WDR36: variants seen among roughly 807,000 people sequenced by gnomAD.
WDR36 encodes WD repeat domain 36.
WDR36 carries 63 observed loss-of-function variants against 112.7 expected under a neutral mutation model. The ratio of observed to expected loss-of-function variants is 0.56; its 90% CI spans 0.46 to 0.69. WDR36 has a LOEUF of 0.69. Ranked by LOEUF, WDR36 falls within the 30% of genes least tolerant of loss-of-function variation. The pLI, the probability that WDR36 is intolerant of heterozygous loss-of-function variation, is 0.00. For missense variants in WDR36, 1,226 were observed against 1,070.3 expected (o/e 1.15, Z -2.03); for synonymous variants, 410 against 362.2 (o/e 1.13, Z -1.50).
Position 111,110,834 on chromosome 5 carries a change from G to T in WDR36, c.1488G>T (p.Gln496His). 6.2e-7 allele frequency: 1 copy of T among 1,611,530 alleles called. No homozygotes were observed. The highest frequency in any genetic ancestry group is 8.5e-7 in the Non-Finnish European group (1 of 1,178,378). The change falls in exon 14 of 23, where the codon CAG becomes CAT. Residue 496 changes from glutamine (Q) to histidine (H), a missense_variant. Transcript: ENST00000513710. ...GTGTCGCAGTGGATGGATTAAACCA[G>T]TTGACAGTTACAACTGGTAGTGAAG... ...VRGVAVDGLNQLTVTTGSEGL... is the reference protein window; with the variant it reads ...VRGVAVDGLNHLTVTTGSEGL...
At position 111,121,096 on chromosome 5, in the gene WDR36, TC is replaced by T; in HGVS notation, c.2105del (p.Pro702LeufsTer59). ...AGCAATTGGTGACTCTTTCACTTCT[TC>T]CTGAATCACGATGGAAAAACCTTCT... ...NEQLVTLSLL[P>X]ESRWKNLLNL... On this transcript the variant is annotated frameshift_variant, in exon 19 of 23. Coordinates refer to ENST00000513710, the MANE Select transcript of WDR36 (RefSeq NM_139281.3). LOFTEE classifies it high-confidence loss of function. The T allele has an allele frequency of 3.1e-6, 5 of 1,613,668 alleles. No individual in the cohort carries two copies. The highest frequency in any genetic ancestry group is 3.4e-6 in the Non-Finnish European group (4 of 1,179,682).
rs1752890459 is a variant in WDR36, at chr5:111,092,634, T to G, written c.162+16T>G. ...CACCTATGACGTGAGTGACTTCTTT[T>G]GTTAGCTTCCCAGGAAAACCACCCT... On this transcript the variant is annotated intron_variant, in intron 1 of 22. Coordinates refer to ENST00000513710, the MANE Select transcript of WDR36 (RefSeq NM_139281.3). The G allele has an allele frequency of 1.2e-6, 2 of 1,608,778 alleles. No individual in the cohort carries two copies. Among genetic ancestry groups the G allele is most frequent in the South Asian group, 1.1e-5 (1 of 90,676 alleles).
intron 1 of WDR36, among the ~76,000 whole-genome samples, chr5:111,094,690 A>G (rs968811675): frequency 6.6e-6 from 1 of 152,162 alleles, no homozygotes; most frequent in Non-Finnish European, 1.5e-5. Flanking sequence ...AATATTTAAT[A>G]TTTGGCCCAT....
At position 111,092,436 on chromosome 5, in the gene WDR36, G is replaced by T; in HGVS notation, c.-21G>T. On this transcript the variant is annotated 5_prime_UTR_variant, in exon 1 of 23. It adds an upstream start codon to the 5' untranslated region. Coordinates refer to ENST00000513710, the MANE Select transcript of WDR36 (RefSeq NM_139281.3). ...TTTTCCTTCAGGACCAGAGCTGAGA[G>T]GAGCTGGGATCGCGGCGGCAATGGA... is the stretch of plus-strand genomic sequence containing the variant. The T allele has an allele frequency of 6.2e-7, 1 of 1,614,248 alleles. No individual in the cohort carries two copies. The highest frequency in any genetic ancestry group is 8.5e-7 in the Non-Finnish European group (1 of 1,180,044).
intron 16 of WDR36, 138 bp from the exon 17 acceptor site, chr5:111,118,875 T>C (rs1315412286): frequency 3.0e-6 from 2 of 663,514 alleles, no homozygotes; most frequent in Non-Finnish European, 5.4e-6. Flanking sequence ...GGTGACTTTC[T>C]GATCAATGCT....
At chr5:111,120,663 C>T in intron 18 of WDR36, 70 bp downstream of exon 18, 2 of 1,291,714 alleles carry the variant, frequency 1.5e-6, no homozygotes. Flanking sequence ...ATATTGCTAC[C>T]AAAGGCAAAG....
Position 111,113,109 on chromosome 5 carries a change from T to C in WDR36, c.1752T>C (p.Ala584=), listed in dbSNP as rs745340234. 3 of 1,578,786 alleles carry C rather than the reference T, an allele frequency of 1.9e-6. No homozygotes were observed. In the South Asian group the frequency reaches 3.4e-5, roughly 18 times the overall value. ...FSPDGRWLIS[A]AMDCSIRTWD... Reference sequence around the variant, plus strand: ...CTGATGGTCGTTGGTTAATAAGTGCTGCGATGGATTGCTCTATTAGGACTT... The same window carrying C: ...CTGATGGTCGTTGGTTAATAAGTGCCGCGATGGATTGCTCTATTAGGACTT... The change falls in exon 16 of 23, where the codon GCT becomes GCC. Residue 584 remains alanine (A), a synonymous_variant. Transcript: ENST00000513710.
Position 111,105,767 on chromosome 5 carries a change from T to A in WDR36, c.1094-290T>A, listed in dbSNP as rs113930608. On this transcript the variant is annotated intron_variant, in intron 10 of 22. Coordinates refer to ENST00000513710, the MANE Select transcript of WDR36 (RefSeq NM_139281.3). ...ATGGTTTCCAGCCTTTGAAAGATTTTGTTTATTAAACAACAAAATCTTACT... is the reference window on the plus strand; with the variant it reads ...ATGGTTTCCAGCCTTTGAAAGATTTAGTTTATTAAACAACAAAATCTTACT... Among the ~76,000 whole-genome samples the A allele has an allele frequency of 2.5e-3, 372 of 151,752 alleles. 2 individuals are homozygous for A. Among genetic ancestry groups the A allele is most frequent in the African/African-American group, 8.3e-3 (346 of 41,516 alleles).
At chr5:111,120,739 A>C in intron 18 of WDR36, 146 bp downstream of exon 18, 1 of 776,910 alleles carries the variant, frequency 1.3e-6, no homozygotes, top group Non-Finnish European at 2.2e-6. Flanking sequence ...TCATGAATTT[A>C]TGCAAAAATA....
At chr5:111,118,598 C>A (rs570594885) in intron 16 of WDR36, among the ~76,000 whole-genome samples, 1 of 152,048 alleles carries the variant, frequency 6.6e-6, no homozygotes, top group Non-Finnish European at 1.5e-5. Context: ...TTACTTTCTC[C>A]TTTTGCCTAA....
In WDR36 at chr5:111,124,104, T is replaced by C. The variant is rs770712741; in HGVS notation, c.2269-4T>C. The C allele has an allele frequency of 3.1e-6, 5 of 1,612,758 alleles. No homozygotes were observed. Among genetic ancestry groups the C allele is most frequent in the African/African-American group, 1.3e-5 (1 of 74,914 alleles). On this transcript the variant is annotated splice_region_variant and splice_polypyrimidine_tract_variant and intron_variant, in intron 20 of 22. Transcript: ENST00000513710. ...TGAATAATGTGTATTTGTTTTTGTT[T>C]AAGTCTAAAGTGGTAAATCTTGGAG...
chr5:111,127,902 T>G lies in WDR36; in HGVS notation c.*1019T>G. On this transcript the variant is annotated 3_prime_UTR_variant, in exon 23 of 23. Transcript: ENST00000513710. ...GAATGGGTATTTCAAAGCCAGGGTTTTTTTTATTTTGTTTTGTTTTGTTTT... is the reference window on the plus strand; with the variant it reads ...GAATGGGTATTTCAAAGCCAGGGTTGTTTTTATTTTGTTTTGTTTTGTTTT... 1 of 209,272 alleles carries G rather than the reference T, an allele frequency of 4.8e-6. No individual in the cohort carries two copies. The highest frequency in any genetic ancestry group is 9.5e-6 in the Non-Finnish European group (1 of 104,812). 13.0% of individuals were successfully genotyped at this position (209,272 alleles called of 1,614,324 possible). A position where few individuals can be genotyped will look rare whatever the true frequency, so the allele number is the denominator to read the frequency against.
Position 111,104,553 on chromosome 5 carries a change from A to G in WDR36, c.907-144A>G, listed in dbSNP as rs527564688. 6.0e-4 allele frequency: 833 copies of G among 1,396,292 alleles called. 1 individual carries two copies. Among genetic ancestry groups the G allele is most frequent in the African/African-American group, 5.1e-3 (362 of 70,348 alleles). 86.5% of individuals were successfully genotyped at this position (1,396,292 alleles called of 1,614,324 possible). Reference sequence around the variant, plus strand: ...AGAATTACAGTTTATTTCTCCCCCAATACCCACTCCCTCCCTTGTAGCTCC... The same window carrying G: ...AGAATTACAGTTTATTTCTCCCCCAGTACCCACTCCCTCCCTTGTAGCTCC... On this transcript the variant is annotated intron_variant, in intron 8 of 22. Coordinates refer to ENST00000513710, the MANE Select transcript of WDR36 (RefSeq NM_139281.3).
intron 6 of WDR36, among the ~76,000 whole-genome samples, chr5:111,102,625 T>A (rs1753143412): frequency 6.6e-6 from 1 of 151,782 alleles, no homozygotes; most frequent in Non-Finnish European, 1.5e-5. Context: ...ATAGTTTGAC[T>A]TAAATCTGTG....
chr5:111,103,646 A>G (rs991135129), intron 6 of WDR36, 140 bp from the exon 7 acceptor site: 34 of 1,060,504 alleles, frequency 3.2e-5, no homozygotes, highest in Non-Finnish European at 4.7e-5. Flanking sequence ...TTGAATGGTA[A>G]TACTTGCTGA....
chr5:111,105,312 C>G lies in WDR36; in HGVS notation c.1045C>G (p.Gln349Glu). 6.2e-7 allele frequency: 1 copy of G among 1,609,936 alleles called. No individual in the cohort carries two copies. Among genetic ancestry groups the G allele is most frequent in the Non-Finnish European group, 8.5e-7 (1 of 1,177,162 alleles). The part of the protein sequence containing the change: ...ILSASQDGTL[Q>E]SFSTVHEKFN... Reference sequence around the variant, plus strand: ...ATCAACAGGTCAAGATGGAACTCTTCAGTCATTTTCCACGGTACATGAAAA... The same window carrying G: ...ATCAACAGGTCAAGATGGAACTCTTGAGTCATTTTCCACGGTACATGAAAA... The change falls in exon 10 of 23, where the codon CAG (glutamine) becomes GAG (glutamate). Residue 349 changes from glutamine to glutamate, a missense_variant. Coordinates refer to ENST00000513710, the MANE Select transcript of WDR36 (RefSeq NM_139281.3).
Position 111,129,266 on chromosome 5 carries a change from T to G in WDR36, c.*2383T>G. ...CTCTCTCTGTGGTATATGCTTAGGA[T>G]TTGAATTTCAGGCCAGAGTATAACC... On this transcript the variant is annotated 3_prime_UTR_variant, in exon 23 of 23. Transcript: ENST00000513710. 5.1e-6 allele frequency: 1 copy of G among 196,652 alleles called. No homozygotes were observed. The highest frequency in any genetic ancestry group is 1.9e-4 in the South Asian group (1 of 5,230). The allele number at this position is 196,652 out of a possible 1,614,324, so 12.2% of individuals were successfully genotyped here. A position where few individuals can be genotyped will look rare whatever the true frequency, so the allele number is the denominator to read the frequency against.
chr5:111,099,463 G>GTTTTTTTTTTTTTTTTTTTTT lies in WDR36; in HGVS notation c.409+625_409+645dup, dbSNP rs67437234. 2.2e-3 allele frequency among the ~76,000 whole-genome samples: 190 copies of GTTTTTTTTTTTTTTTTTTTTT among 84,784 alleles called. 2 individuals carry two copies. Among genetic ancestry groups the GTTTTTTTTTTTTTTTTTTTTT allele is most frequent in the Non-Finnish European group, 3.2e-3 (129 of 40,306 alleles). The allele number at this position is 84,784 out of a possible 152,430, so 55.6% of individuals were successfully genotyped here. ...TTGGTTTTTTTTTGTTTTTTTTTTT[G>GTTTTTTTTTTTTTTTTTTTTT]TTTTTTTTTTTTTTTTTTTTTCAGT... On this transcript the variant is annotated intron_variant, in intron 4 of 22. Transcript: ENST00000513710.
At chr5:111,100,218 A>C (rs1409865702) in intron 4 of WDR36, among the ~76,000 whole-genome samples, 1 of 152,020 alleles carries the variant, frequency 6.6e-6, no homozygotes, top group African/African-American at 2.4e-5. Flanking sequence ...AAGTATAAGC[A>C]CTTCACTTGG....
Sources: allele counts gnomAD v4.1 joint callset (sites outside exome capture counted in the v4.1 genomes callset), GRCh38; gene constraint gnomAD v4.1.1; transcripts MANE v1.5; gene names NCBI Gene and HGNC (gene_info 2026-07-23, HGNC 2026-07-21).